Variants in MDGA2 observed in about 807,000 individuals in gnomAD.
MDGA2 encodes the protein MAM domain-containing glycosylphosphatidylinositol anchor protein 2.
In MDGA2, 40 loss-of-function variants were observed where a neutral mutation model predicts 117.8. The observed-to-expected ratio is 0.34, with a 90% CI of 0.26 to 0.44. MDGA2 has a LOEUF of 0.44. MDGA2 is among the 20% of genes least tolerant of loss of function. The probability of loss-of-function intolerance (pLI) is 1.00; values close to 1 mark genes in which losing one functional copy is unlikely to be tolerated. For synonymous variants in MDGA2, 452 were observed against 439.0 expected (o/e 1.03, Z -0.37); for missense variants, 1,123 against 1,250.6 (o/e 0.90, Z 1.54).
intron 2 of MDGA2, among the ~76,000 whole-genome samples, chr14:47,269,279 A>G (rs1311619589): frequency 6.6e-6 from 1 of 152,190 alleles, no homozygotes; most frequent in East Asian, 1.9e-4. Flanking sequence ...GAAACGATCC[A>G]TGGTCATCAT....
At chr14:47,410,040 CT>C (rs1344194986) in intron 1 of MDGA2, among the ~76,000 whole-genome samples, 2 of 152,092 alleles carry the variant, frequency 1.3e-5, no homozygotes, top group African/African-American at 4.8e-5. Context: ...GTTTTAAAAA[CT>C]TTTTCTAATT....
In MDGA2 at chr14:47,560,404, C is replaced by G. The variant is rs539985032; in HGVS notation, c.280+114113G>C. 1.4e-4 allele frequency among the ~76,000 whole-genome samples: 21 copies of G among 152,260 alleles called. No homozygotes were observed. The South Asian group carries it at 3.5e-3, about 26-fold the overall frequency. On this transcript the variant is annotated intron_variant, in intron 1 of 16. Coordinates refer to ENST00000399232, the MANE Select transcript of MDGA2 (RefSeq NM_001113498.3). ...GATTTTTTAATAATAGGCTTTCTGA[C>G]TGTTGTGAGGTGGTATCTCATTGTG...
At chr14:47,011,963 G>A (rs943839471) in intron 8 of MDGA2, among the ~76,000 whole-genome samples, 4 of 147,736 alleles carry the variant, frequency 2.7e-5, no homozygotes, top group Admixed American at 6.9e-5. Flanking sequence ...GTGTTCAGTT[G>A]AGTATGTGCT....
At chr14:47,197,330 A>G (rs1023396690) in intron 3 of MDGA2, among the ~76,000 whole-genome samples, 5 of 152,062 alleles carry the variant, frequency 3.3e-5, no homozygotes, top group Non-Finnish European at 7.4e-5. Context: ...CATCCTTTTA[A>G]GAGATAGACC....
intron 3 of MDGA2, among the ~76,000 whole-genome samples, chr14:47,195,933 A>G (rs557747332): frequency 1.3e-5 from 2 of 152,202 alleles, no homozygotes; most frequent in African/African-American, 4.8e-5. Context: ...AGTATTAGCT[A>G]ATTTTAATTT....
At chr14:47,440,394 T>A (rs1236168136) in intron 1 of MDGA2, among the ~76,000 whole-genome samples, 1 of 152,164 alleles carries the variant, frequency 6.6e-6, no homozygotes, top group Non-Finnish European at 1.5e-5. Context: ...TCCTTCCCTG[T>A]GCCATTTCCT....
At chr14:47,646,364 T>C (rs919245466) in intron 1 of MDGA2, among the ~76,000 whole-genome samples, 2 of 152,002 alleles carry the variant, frequency 1.3e-5, no homozygotes, top group Non-Finnish European at 2.9e-5. Context: ...ATAATACTCA[T>C]ATATAATACA....
chr14:47,016,355 A>AT (rs1888082752), intron 8 of MDGA2, among the ~76,000 whole-genome samples: 1 of 147,066 alleles, frequency 6.8e-6, no homozygotes, highest in South Asian at 2.3e-4. Context: ...CAAATAATGT[A>AT]GTATCAGTTA....
At chr14:47,633,187 G>A (rs1594953928) in intron 1 of MDGA2, among the ~76,000 whole-genome samples, 1 of 100,010 alleles carries the variant, frequency 1.0e-5, no homozygotes, top group African/African-American at 4.0e-5. Context: ...TACATGGAAC[G>A]ACGATGTCTT....
chr14:47,412,022 G>C (rs1160807338), intron 1 of MDGA2, among the ~76,000 whole-genome samples: 1 of 152,180 alleles, frequency 6.6e-6, no homozygotes, highest in African/African-American at 2.4e-5. Flanking sequence ...AAGTCTCACA[G>C]TCAGTAACCC....
chr14:47,223,843 C>T (rs1390786652), intron 2 of MDGA2, among the ~76,000 whole-genome samples: 1 of 152,126 alleles, frequency 6.6e-6, no homozygotes, highest in Non-Finnish European at 1.5e-5. Context: ...AAATTACAAT[C>T]ATGGGGGAAG....
intron 5 of MDGA2, among the ~76,000 whole-genome samples, chr14:47,111,932 A>G (rs1219330473): frequency 6.6e-6 from 1 of 152,182 alleles, no homozygotes; most frequent in Non-Finnish European, 1.5e-5. Flanking sequence ...AGATTTTGAG[A>G]CACAAAAATT....
At chr14:47,281,643 A>C (rs907393985) in intron 2 of MDGA2, among the ~76,000 whole-genome samples, 2 of 152,206 alleles carry the variant, frequency 1.3e-5, no homozygotes, top group East Asian at 1.9e-4. Flanking sequence ...ATTTCAACTA[A>C]TGATTTTAGC....
intron 3 of MDGA2, among the ~76,000 whole-genome samples, chr14:47,148,173 G>A (rs1883020579): frequency 6.6e-6 from 1 of 152,126 alleles, no homozygotes; most frequent in African/African-American, 2.4e-5. Flanking sequence ...CTGAGTTGAT[G>A]CTATGGCTTA....
In MDGA2 at chr14:47,456,044, G is replaced by T. The variant is rs149464911; in HGVS notation, c.281-154494C>A. On this transcript the variant is annotated intron_variant, in intron 1 of 16. Transcript: ENST00000399232. ...AAAATAAAATAAAAATTAAAATAAAGAAAGAAAGAACATGAGTGAGAATGG... is the reference window on the plus strand; with the variant it reads ...AAAATAAAATAAAAATTAAAATAAATAAAGAAAGAACATGAGTGAGAATGG... Among the ~76,000 whole-genome samples, 469 of 151,590 alleles carry T rather than the reference G, an allele frequency of 3.1e-3. 1 individual carries two copies. Among genetic ancestry groups the T allele is most frequent in the African/African-American group, 0.011 (446 of 41,346 alleles).
intron 6 of MDGA2, among the ~76,000 whole-genome samples, chr14:47,063,551 C>T (rs1164140795): frequency 1.3e-5 from 2 of 151,866 alleles, no homozygotes; most frequent in Non-Finnish European, 2.9e-5. Flanking sequence ...TGAAGTTTTA[C>T]AGTACAAAGC....
intron 1 of MDGA2, among the ~76,000 whole-genome samples, chr14:47,453,802 A>G (rs1208594308): frequency 2.6e-5 from 4 of 152,170 alleles, no homozygotes; most frequent in Non-Finnish European, 5.9e-5. Context: ...CCAGTTTATA[A>G]AAGGAGCTAA....
intron 1 of MDGA2, among the ~76,000 whole-genome samples, chr14:47,480,053 T>C (rs974183263): frequency 1.4e-5 from 2 of 147,798 alleles, no homozygotes; most frequent in African/African-American, 5.0e-5. Flanking sequence ...GGCACAAATA[T>C]CATAAATAAT....
intron 10 of MDGA2, among the ~76,000 whole-genome samples, chr14:46,910,069 T>G (rs1883640948): frequency 6.6e-6 from 1 of 152,188 alleles, no homozygotes; most frequent in Admixed American, 6.5e-5. Context: ...TTAATATAAA[T>G]TTCATTTTTA....
Sources: allele counts gnomAD v4.1 joint callset (sites outside exome capture counted in the v4.1 genomes callset), GRCh38; gene constraint gnomAD v4.1.1; transcripts MANE v1.5; gene names NCBI Gene and HGNC (gene_info 2026-07-23, HGNC 2026-07-21).